Variants in GPBP1 observed in about 807,000 individuals in gnomAD.
GPBP1 encodes vasculin.
A neutral mutation model predicts 56.5 loss-of-function variants in GPBP1; 13 were observed. That is an observed-to-expected ratio of 0.23 (90% confidence interval 0.15 to 0.37). The LOEUF is 0.37. Ranked by LOEUF, GPBP1 falls within the 10% of genes least tolerant of loss-of-function variation. The pLI is 1.00. For missense variants in GPBP1, 477 were observed against 572.3 expected, an observed-to-expected ratio of 0.83 and a Z score of 1.70; for synonymous variants, 204 against 188.9, an observed-to-expected ratio of 1.08 and a Z score of -0.66.
chr5:57,229,230 C>CAAAAAAAAAAAAAAAAA (rs543005934), intron 3 of GPBP1, among the ~76,000 whole-genome samples: 16 of 77,422 alleles, frequency 2.1e-4, no homozygotes, highest in African/African-American at 4.0e-4. Flanking sequence ...GACTCCATCT[C>CAAAAAAAAAAAAAAAAA]AAAAAAAAAA....
intron 10 of GPBP1, among the ~76,000 whole-genome samples, chr5:57,253,468 T>G (rs1436208682): frequency 2.0e-5 from 3 of 152,204 alleles, no homozygotes; most frequent in Admixed American, 2.0e-4. Flanking sequence ...TATCTCCTCT[T>G]GGATAACTTT....
At chr5:57,198,718 G>T (rs186298903) in intron 2 of GPBP1, among the ~76,000 whole-genome samples, 1 of 152,038 alleles carries the variant, frequency 6.6e-6, no homozygotes, top group Non-Finnish European at 1.5e-5. Flanking sequence ...GCATGGTGGC[G>T]CGTGCCTGTA....
intron 2 of GPBP1, among the ~76,000 whole-genome samples, chr5:57,205,516 T>G (rs781486592): frequency 5.3e-5 from 8 of 152,140 alleles, no homozygotes; most frequent in Non-Finnish European, 1.0e-4. Flanking sequence ...TTGAACCCTT[T>G]TACCTTCACA....
intron 10 of GPBP1, among the ~76,000 whole-genome samples, chr5:57,255,511 A>G (rs564736480): frequency 6.6e-6 from 1 of 152,388 alleles, no homozygotes; most frequent in Non-Finnish European, 1.5e-5. Flanking sequence ...GTGTGTAGAA[A>G]GGAGAATAAA....
At position 57,263,235 on chromosome 5, in the gene GPBP1, C is replaced by G. The variant is rs1741986069; in HGVS notation, c.*483C>G. On this transcript the variant is annotated 3_prime_UTR_variant, in exon 12 of 12. Transcript: ENST00000506184. ...CCCCCAAAAAACAACAACAACAAAA[C>G]AAAAACCAAAAAGGAAAATGTAGCA... 1 of 152,578 alleles carries G rather than the reference C, an allele frequency of 6.6e-6. No individual in the cohort carries two copies. The highest frequency in any genetic ancestry group is 1.5e-5 in the Non-Finnish European group (1 of 68,236). The allele number at this position is 152,578 out of a possible 1,614,324, so 9.5% of individuals were successfully genotyped here.
At chr5:57,242,086 C>T (rs543554352) in intron 6 of GPBP1, among the ~76,000 whole-genome samples, 2 of 152,244 alleles carry the variant, frequency 1.3e-5, no homozygotes, top group African/African-American at 2.4e-5. Flanking sequence ...AGGTTTATGT[C>T]GATTATTCAG....
At chr5:57,187,535 T>G (rs1410807097) in intron 2 of GPBP1, among the ~76,000 whole-genome samples, 2 of 152,146 alleles carry the variant, frequency 1.3e-5, no homozygotes, top group Non-Finnish European at 2.9e-5. Context: ...GTCCGTGAAG[T>G]TTGCTGTGAA....
chr5:57,183,705 TATTAAA>T (rs1002562608), intron 2 of GPBP1, among the ~76,000 whole-genome samples: 6 of 152,072 alleles, frequency 3.9e-5, no homozygotes, highest in African/African-American at 1.4e-4. Flanking sequence ...TATGTTTTTG[TATTAAA>T]ATTAACATTT....
At chr5:57,260,817 A>G (rs1741864836) in intron 10 of GPBP1, among the ~76,000 whole-genome samples, 1 of 152,184 alleles carries the variant, frequency 6.6e-6, no homozygotes, top group Non-Finnish European at 1.5e-5. Context: ...TAGAAAACCT[A>G]ATGAGTAGTC....
chr5:57,219,883 T>C (rs1253247733), intron 3 of GPBP1, among the ~76,000 whole-genome samples: 1 of 151,892 alleles, frequency 6.6e-6, no homozygotes, highest in African/African-American at 2.4e-5. Context: ...AAAAACCCTG[T>C]CTCTACTAAA....
intron 2 of GPBP1, among the ~76,000 whole-genome samples, chr5:57,182,917 A>C (rs1381593440): frequency 2.0e-5 from 3 of 151,986 alleles, no homozygotes; most frequent in Non-Finnish European, 4.4e-5. Flanking sequence ...TCCTAATCTC[A>C]AGTGTTCCTC....
chr5:57,253,300 CT>C (rs1741478280), intron 10 of GPBP1, among the ~76,000 whole-genome samples: 1 of 152,056 alleles, frequency 6.6e-6, no homozygotes, highest in Admixed American at 6.5e-5. Context: ...TCTGTAATTG[CT>C]TTGTATAAAC....
rs575452072 is a variant in GPBP1 at position 57,180,010 on chromosome 5, AG to A, written c.-58+3612del. Among the ~76,000 whole-genome samples the A allele has an allele frequency of 2.0e-3, 297 of 152,256 alleles. 1 individual carries two copies. Among genetic ancestry groups the A allele is most frequent in the African/African-American group, 7.0e-3 (290 of 41,564 alleles). On this transcript the variant is annotated intron_variant, in intron 2 of 11. Coordinates refer to ENST00000506184, the MANE Select transcript of GPBP1 (RefSeq NM_022913.4). ...TGGGGAAAGAACAGGAAGAGTGAGC[AG>A]GAAAAAAAAAACTGGGGAGAGTTAC...
intron 2 of GPBP1, among the ~76,000 whole-genome samples, chr5:57,194,822 G>C (rs921417852): frequency 6.6e-6 from 1 of 152,098 alleles, no homozygotes; most frequent in Non-Finnish European, 1.5e-5. Context: ...TGTTGCAAAC[G>C]ACAGGATTTT....
intron 7 of GPBP1, 56 bp downstream of exon 7, chr5:57,246,540 T>G: frequency 7.2e-7 from 1 of 1,394,142 alleles, no homozygotes; most frequent in Non-Finnish European, 9.9e-7. Flanking sequence ...ATTTATGTCC[T>G]ATGGGGGGAA....
At chr5:57,245,867 TTG>T (rs1741064743) in intron 6 of GPBP1, 1 of 152,964 alleles carries the variant, frequency 6.5e-6, no homozygotes, top group Non-Finnish European at 1.5e-5. Context: ...GGTAATAACT[TTG>T]TAAGTGGAGT....
intron 6 of GPBP1, chr5:57,237,244 G>C: frequency 2.0e-6 from 2 of 988,108 alleles, no homozygotes; most frequent in Non-Finnish European, 3.1e-6. Context: ...CCTGGAAGGT[G>C]TTAAATAGAA....
chr5:57,181,419 G>A (rs1754040585), intron 2 of GPBP1, among the ~76,000 whole-genome samples: 1 of 146,780 alleles, frequency 6.8e-6, no homozygotes, highest in South Asian at 2.2e-4. Flanking sequence ...CCAGCTTGGG[G>A]TGACAAGACT....
In GPBP1 at chr5:57,250,118, T is replaced by G. The variant is rs567493219; in HGVS notation, c.972+542T>G. ...AGCCTTCCTGGTAGCTGGGACTATA[T>G]TTATGTGCCACCACACCTGGCTAAT... On this transcript the variant is annotated intron_variant, in intron 9 of 11. Transcript: ENST00000506184. Among the ~76,000 whole-genome samples, 3 of 147,808 alleles carry G rather than the reference T, an allele frequency of 2.0e-5. No individual in the cohort carries two copies. In the South Asian group the frequency reaches 6.6e-4, roughly 32 times the overall value.
Sources: gnomAD v4.1 joint callset for allele counts (sites outside exome capture counted in the v4.1 genomes callset) on GRCh38, gnomAD v4.1.1 for gene constraint, MANE v1.5 for transcripts, NCBI Gene and HGNC (gene_info 2026-07-23, HGNC 2026-07-21) for gene names.